INSR: variants seen among roughly 807,000 people sequenced by gnomAD.
The protein encoded by INSR is IR.
A neutral mutation model predicts 142.6 loss-of-function variants in INSR; 67 were observed. The observed-to-expected ratio is 0.47, with a 90% confidence interval of 0.39 to 0.58. INSR has a LOEUF of 0.58. Among genes scored for constraint, INSR ranks in the 20% least tolerant of loss-of-function variants. The pLI, the probability that INSR is intolerant of heterozygous loss-of-function variation, is 0.00. For synonymous variants in INSR, 756 were observed against 743.1 expected, an observed-to-expected ratio of 1.02 and a Z score of -0.28; for missense variants, 1,248 against 1,833.2, an observed-to-expected ratio of 0.68 and a Z score of 5.83.
chr19:7,276,961 C>T (rs185680358), intron 1 of INSR, among the ~76,000 whole-genome samples: 34 of 152,196 alleles, frequency 2.2e-4, no homozygotes, highest in African/African-American at 7.7e-4. Flanking sequence ...AAACTCGTGA[C>T]CTCAGGTGAT....
At chr19:7,153,383 CGCACCA>C (rs1259319020) in intron 9 of INSR, among the ~76,000 whole-genome samples, 34 of 34,344 alleles carry the variant, frequency 9.9e-4, no homozygotes, top group Non-Finnish European at 1.8e-3. Context: ...ACACCATACA[CGCACCA>C]CACACACACC....
intron 2 of INSR, among the ~76,000 whole-genome samples, chr19:7,213,800 C>A (rs934672854): frequency 1.3e-5 from 2 of 152,124 alleles, no homozygotes; most frequent in Non-Finnish European, 2.9e-5. Context: ...CCAGCCTGAC[C>A]AACATGGTGA....
chr19:7,116,337 C>T lies in INSR; in HGVS notation c.*719G>A, dbSNP rs955978107. 8 of 151,930 alleles carry T rather than the reference C, an allele frequency of 5.3e-5. No homozygotes were observed. Among genetic ancestry groups the T allele is most frequent in the African/African-American group, 1.9e-4 (8 of 41,278 alleles). The allele number at this position is 151,930 out of a possible 1,614,324, so 9.4% of individuals were successfully genotyped here. A position where few individuals can be genotyped will look rare whatever the true frequency, so the allele number is the denominator to read the frequency against. On this transcript the variant is annotated 3_prime_UTR_variant, in exon 22 of 22. Transcript: ENST00000302850. ...ATGAGCTCGCACCCTTGAGAAGAAC[C>T]TTCATGAGCCAATTCCCAAAGCATC... is the stretch of plus-strand genomic sequence containing the variant.
At position 7,152,838 on chromosome 19, in the gene INSR, C is replaced by T. The variant is rs765652952; in HGVS notation, c.2119G>A (p.Gly707Ser). The change falls in exon 10 of 22, where the codon GGC becomes AGC. Residue 707 changes from glycine (G) to serine (S), a missense_variant. Gly to Ser is a moderately conservative substitution (Grantham distance 56, BLOSUM62 0). This residue lies in a region of INSR where 1,069 missense variants were observed against 1,654.0 expected (regional missense o/e 0.65). Transcript: ENST00000302850. The part of the protein sequence containing the change: ...HNQSEYEDSA[G>S]ECCSCPKTDS... ...GTCTTTGGACAGGAGCAGCATTCGC[C>T]GGCCGAATCCTCATACTCACTCTGG... 3 of 1,613,464 alleles carry T rather than the reference C, an allele frequency of 1.9e-6. No homozygotes were observed. The highest frequency in any genetic ancestry group is 1.1e-5 in the South Asian group (1 of 91,062).
At chr19:7,283,608 T>G (rs1056493288) in intron 1 of INSR, among the ~76,000 whole-genome samples, 1 of 152,080 alleles carries the variant, frequency 6.6e-6, no homozygotes, top group Non-Finnish European at 1.5e-5. Flanking sequence ...CTCGGCTAAT[T>G]TTTGTATTTT....
chr19:7,226,137 G>A (rs937729227), intron 2 of INSR, among the ~76,000 whole-genome samples: 35 of 152,190 alleles, frequency 2.3e-4, no homozygotes, highest in African/African-American at 8.0e-4. Flanking sequence ...GCCTAGTGTG[G>A]TGCCTCACGC....
At chr19:7,153,736 C>T (rs1293765724) in intron 9 of INSR, among the ~76,000 whole-genome samples, 2 of 151,758 alleles carry the variant, frequency 1.3e-5, no homozygotes, top group Non-Finnish European at 2.9e-5. Flanking sequence ...AAAAATATAG[C>T]CGAGCACAGT....
intron 2 of INSR, among the ~76,000 whole-genome samples, chr19:7,201,824 G>T (rs62111450): frequency 0.13 from 19,633 of 149,374 alleles, 1,576 homozygotes; most frequent in African/African-American, 0.23. Context: ...ACCACGCCTA[G>T]CTAATTTTTT....
At chr19:7,123,616 C>T (rs945943992) in intron 17 of INSR, among the ~76,000 whole-genome samples, 1 of 152,106 alleles carries the variant, frequency 6.6e-6, no homozygotes, top group African/African-American at 2.4e-5. Context: ...AGCATTTGCT[C>T]CTAATGTATA....
intron 19 of INSR, among the ~76,000 whole-genome samples, chr19:7,121,397 G>A (rs1356883651): frequency 6.6e-6 from 1 of 152,172 alleles, no homozygotes; most frequent in Admixed American, 6.5e-5. Context: ...GACACGCAAG[G>A]TCCTTCTGGG....
intron 3 of INSR, among the ~76,000 whole-genome samples, chr19:7,184,060 CAAA>C (rs533682498): frequency 1.2e-5 from 1 of 85,144 alleles, no homozygotes; most frequent in Non-Finnish European, 2.2e-5. Context: ...GACTCCATCT[CAAA>C]AAAAAAAAAA....
chr19:7,117,550 T>G, intron 21 of INSR, 140 bp from the exon 22 acceptor site: 1 of 636,156 alleles, frequency 1.6e-6, no homozygotes, highest in Non-Finnish European at 2.8e-6. Flanking sequence ...TGTGGACAAT[T>G]GTCAAGGCAG....
At chr19:7,117,656 G>C (rs1438790997) in intron 21 of INSR, among the ~76,000 whole-genome samples, 6 of 152,152 alleles carry the variant, frequency 3.9e-5, no homozygotes, top group Non-Finnish European at 8.8e-5. Context: ...ACCCAGGCTG[G>C]AGTGCAGTGG....
In INSR at chr19:7,192,307, GAAAA is replaced by G. The variant is rs151219612; in HGVS notation, c.653-7674_653-7671del. On this transcript the variant is annotated intron_variant, in intron 2 of 21. Coordinates refer to ENST00000302850, the MANE Select transcript of INSR (RefSeq NM_000208.4). This position sits in a 1 kb window ranked among gnomAD's most constrained non-coding sequence, Gnocchi z 4.2. ...GAAAAGAAAAGAAAAGAAAAGAAAAGAAAAAAATCACAGGCAGCCCAGGCTGGGG... is the reference window on the plus strand; with the variant it reads ...GAAAAGAAAAGAAAAGAAAAGAAAAGAAATCACAGGCAGCCCAGGCTGGGG... 7.8e-6 allele frequency among the ~76,000 whole-genome samples: 1 copy of G among 128,258 alleles called. No homozygotes were observed. Among genetic ancestry groups the G allele is most frequent in the African/African-American group, 3.1e-5 (1 of 32,664 alleles). The allele number at this position is 128,258 out of a possible 152,430, so 84.1% of individuals were successfully genotyped here. A position where few individuals can be genotyped will look rare whatever the true frequency, so the allele number is the denominator to read the frequency against.
chr19:7,198,031 A>G lies in INSR; in HGVS notation c.653-13394T>C, dbSNP rs1229603410. 3.5e-5 allele frequency among the ~76,000 whole-genome samples: 5 copies of G among 142,016 alleles called. No homozygotes were observed. The South Asian group carries it at 1.2e-3, about 33-fold the overall frequency. The allele number at this position is 142,016 out of a possible 152,430, so 93.2% of individuals were successfully genotyped here. ...GGGCGAGCGTGTGTGTGTGTCCATG[A>G]TGGGCGTGTGTGTGTGTCTGCGTGT... On this transcript the variant is annotated intron_variant, in intron 2 of 21. Transcript: ENST00000302850.
chr19:7,231,027 G>A (rs1177516778), intron 2 of INSR, among the ~76,000 whole-genome samples: 2 of 152,140 alleles, frequency 1.3e-5, no homozygotes, highest in Non-Finnish European at 2.9e-5. Context: ...CTCCCCTCCT[G>A]GCATGGACAC....
At chr19:7,202,860 G>A (rs1376278069) in intron 2 of INSR, among the ~76,000 whole-genome samples, 3 of 152,054 alleles carry the variant, frequency 2.0e-5, no homozygotes, top group African/African-American at 7.2e-5. Flanking sequence ...TTATCAAGTG[G>A]TAGGAGTCTC....
intron 2 of INSR, among the ~76,000 whole-genome samples, chr19:7,260,576 C>G (rs914322006): frequency 4.6e-5 from 7 of 152,176 alleles, no homozygotes; most frequent in African/African-American, 1.7e-4. Context: ...CTGCCTGCCT[C>G]AAAACCAAAG....
At chr19:7,197,599 T>TGTGTGTTTGG (rs1974801442) in intron 2 of INSR, among the ~76,000 whole-genome samples, 1 of 94,608 alleles carries the variant, frequency 1.1e-5, no homozygotes, top group East Asian at 2.9e-4. Flanking sequence ...TGTGTGTGTG[T>TGTGTGTTTGG]CAGATTCCAG....
Sources: gnomAD v4.1 joint callset for allele counts (sites outside exome capture counted in the v4.1 genomes callset) on GRCh38, gnomAD v4.1.1 for gene constraint, gnomAD v4.1.1 regional missense constraint, Gnocchi (gnomAD v3.1) non-coding constraint, MANE v1.5 for transcripts, NCBI Gene and HGNC (gene_info 2026-07-23, HGNC 2026-07-21) for gene names.